Variants in ITGBL1 observed in about 807,000 individuals in gnomAD.
The protein encoded by ITGBL1 is integrin subunit beta like 1.
In ITGBL1, 51 loss-of-function variants were observed where a neutral mutation model predicts 68.5. The observed-to-expected ratio is 0.74, with a 90% CI of 0.59 to 0.94. The LOEUF is 0.94. Ranked by LOEUF, ITGBL1 falls within the 40% of genes least tolerant of loss-of-function variation. The pLI is 0.00. For missense variants in ITGBL1, 649 were observed against 647.4 expected (o/e 1.00, Z -0.03); for synonymous variants, 209 against 227.3 (o/e 0.92, Z 0.72).
intron 2 of ITGBL1, among the ~76,000 whole-genome samples, chr13:101,541,604 G>C (rs995534117): frequency 3.9e-5 from 6 of 152,116 alleles, no homozygotes; most frequent in African/African-American, 9.7e-5. Flanking sequence ...TTTTTCTGTT[G>C]ATTGGAATAG....
intron 7 of ITGBL1, among the ~76,000 whole-genome samples, chr13:101,638,860 ATAT>A (rs555741155): frequency 3.3e-5 from 5 of 152,182 alleles, no homozygotes; most frequent in Non-Finnish European, 4.4e-5. Context: ...GAGATTGAAA[ATAT>A]TATTTAATAT....
intron 7 of ITGBL1, among the ~76,000 whole-genome samples, chr13:101,631,057 T>C (rs1488441784): frequency 6.6e-6 from 1 of 152,202 alleles, no homozygotes; most frequent in African/African-American, 2.4e-5. Flanking sequence ...GTTCAGCACT[T>C]GTTGGTTAGT....
intron 2 of ITGBL1, among the ~76,000 whole-genome samples, chr13:101,523,457 C>A (rs875118): frequency 0.37 from 55,851 of 151,954 alleles, 11,117 homozygotes; most frequent in East Asian, 0.62. Context: ...CAAATTAATG[C>A]GGTTTTGCTA....
At chr13:101,594,507 T>G (rs369781140) in intron 6 of ITGBL1, among the ~76,000 whole-genome samples, 2 of 151,226 alleles carry the variant, frequency 1.3e-5, no homozygotes, top group East Asian at 1.9e-4. Context: ...AAAAGCTCCA[T>G]GCCATTGGTC....
At chr13:101,670,558 AC>A (rs2033333232) in intron 7 of ITGBL1, among the ~76,000 whole-genome samples, 1 of 152,100 alleles carries the variant, frequency 6.6e-6, no homozygotes, top group South Asian at 2.1e-4. Flanking sequence ...ATTTTCTGTC[AC>A]TCTAGTTAAG....
chr13:101,544,219 A>G (rs925507101), intron 2 of ITGBL1, among the ~76,000 whole-genome samples: 10 of 152,172 alleles, frequency 6.6e-5, no homozygotes, highest in African/African-American at 2.4e-4. Context: ...GGTGACGTAC[A>G]GATGGGGTTT....
intron 2 of ITGBL1, among the ~76,000 whole-genome samples, chr13:101,513,383 C>T (rs2049146101): frequency 6.6e-6 from 1 of 152,006 alleles, no homozygotes; most frequent in Admixed American, 6.6e-5. Flanking sequence ...ACCAGTAAGA[C>T]TAAATGAGAA....
At position 101,704,840 on chromosome 13, in the gene ITGBL1, TTTTG is replaced by T. The variant is rs138357001; in HGVS notation, c.1133-1908_1133-1905del. Among the ~76,000 whole-genome samples, 1,054 of 152,316 alleles carry T rather than the reference TTTTG, an allele frequency of 6.9e-3. 9 individuals are homozygous for T. Among genetic ancestry groups the T allele is most frequent in the African/African-American group, 0.023 (975 of 41,554 alleles). ...CTTTAATGGTTTCAGTTTTTGGGTT[TTTTG>T]TTTGTTTCTTTGTTTGTTTTTACTT... On this transcript the variant is annotated intron_variant, in intron 8 of 10. Coordinates refer to ENST00000376180, the MANE Select transcript of ITGBL1 (RefSeq NM_004791.3).
At chr13:101,604,887 T>TACATACACATACATACAC (rs1555361672) in intron 7 of ITGBL1, among the ~76,000 whole-genome samples, 1 of 22,164 alleles carries the variant, frequency 4.5e-5, no homozygotes, top group African/African-American at 1.5e-4. Context: ...TATATATATA[T>TACATACACATACATACAC]ACACACACAC....
chr13:101,624,855 C>T (rs3783215), intron 7 of ITGBL1, among the ~76,000 whole-genome samples: 122,853 of 152,158 alleles, frequency 0.81, 49,759 homozygotes, highest in African/African-American at 0.89. Context: ...CCTTCATTTT[C>T]GTAGGGGGTG....
At chr13:101,668,988 A>G (rs1389436558) in intron 7 of ITGBL1, among the ~76,000 whole-genome samples, 3 of 152,178 alleles carry the variant, frequency 2.0e-5, no homozygotes, top group East Asian at 1.9e-4. Context: ...CTATATGACA[A>G]ATAGTTCAAA....
chr13:101,458,309 A>G (rs1162921412), intron 2 of ITGBL1, among the ~76,000 whole-genome samples: 2 of 152,222 alleles, frequency 1.3e-5, no homozygotes, highest in Non-Finnish European at 2.9e-5. Context: ...CAAAAAGTGG[A>G]CTGTTGGAAT....
At chr13:101,568,862 A>C (rs756249787) in intron 3 of ITGBL1, among the ~76,000 whole-genome samples, 2 of 152,128 alleles carry the variant, frequency 1.3e-5, no homozygotes, top group Non-Finnish European at 2.9e-5. Context: ...ACCATATCCA[A>C]AGCGAGGTGT....
chr13:101,486,687 A>G (rs114581260), intron 2 of ITGBL1, among the ~76,000 whole-genome samples: 136 of 152,324 alleles, frequency 8.9e-4, no homozygotes, highest in African/African-American at 3.2e-3. Context: ...GCAGCTTTGA[A>G]ACTTCATGAT....
At position 101,555,425 on chromosome 13, in the gene ITGBL1, A is replaced by G. The variant is rs77614074; in HGVS notation, c.317-12274A>G. On this transcript the variant is annotated intron_variant, in intron 2 of 10. Coordinates refer to ENST00000376180, the MANE Select transcript of ITGBL1 (RefSeq NM_004791.3). The stretch of plus-strand genomic sequence containing the variant: ...TTTGTACTCCCTCAACGAGGGCCCT[A>G]TATTTTGGAAACCACCAGTGTGTAT... Among the ~76,000 whole-genome samples, 217 of 152,210 alleles carry G rather than the reference A, an allele frequency of 1.4e-3. 1 individual carries two copies. The East Asian group carries it at 0.023, about 16-fold the overall frequency.
At chr13:101,617,188 G>T (rs958025615) in intron 7 of ITGBL1, among the ~76,000 whole-genome samples, 2 of 152,014 alleles carry the variant, frequency 1.3e-5, no homozygotes, top group African/African-American at 2.4e-5. Context: ...TATTCAAAAG[G>T]TAGTCAAACA....
intron 7 of ITGBL1, among the ~76,000 whole-genome samples, chr13:101,644,406 T>C (rs1410738225): frequency 6.6e-6 from 1 of 152,198 alleles, no homozygotes; most frequent in Non-Finnish European, 1.5e-5. Context: ...TGGTGTCTAA[T>C]GTCCACTTCA....
intron 9 of ITGBL1, among the ~76,000 whole-genome samples, chr13:101,709,125 G>A (rs1566801326): frequency 6.6e-6 from 1 of 151,978 alleles, no homozygotes; most frequent in Non-Finnish European, 1.5e-5. Context: ...CAGCACTTTG[G>A]GAGGCCGAGG....
At position 101,579,422 on chromosome 13, in the gene ITGBL1, AC is replaced by A. The variant is rs1189545377; in HGVS notation, c.723del (p.Asn241LysfsTer166). ...TCTCCAGATGGCAAAATCTGCAGTAACAGAGGTGTGTCATTCATACATGTTA... is the reference window on the plus strand; with the variant it reads ...TCTCCAGATGGCAAAATCTGCAGTAAAGAGGTGTGTCATTCATACATGTTA... ...CTSPDGKICS[N>X]RGTCVCGECT... On this transcript the variant is annotated frameshift_variant, in exon 5 of 11. Coordinates refer to ENST00000376180, the MANE Select transcript of ITGBL1 (RefSeq NM_004791.3). LOFTEE classifies it high-confidence loss of function. The A allele has an allele frequency of 6.2e-7, 1 of 1,613,526 alleles. No individual in the cohort carries two copies. The highest frequency in any genetic ancestry group is 1.3e-5 in the African/African-American group (1 of 74,908).
Sources: allele counts gnomAD v4.1 joint callset (sites outside exome capture counted in the v4.1 genomes callset), GRCh38; gene constraint gnomAD v4.1.1; transcripts MANE v1.5; gene names NCBI Gene and HGNC (gene_info 2026-07-23, HGNC 2026-07-21).